The following RNF4 variants were observed in gnomAD, a reference collection of about 807,000 sequenced individuals.
RNF4 encodes the protein ring finger protein 4, also known as E3 ubiquitin-protein ligase RNF4.
RNF4 carries 7 observed loss-of-function variants against 24.3 expected under a neutral mutation model. The observed-to-expected ratio is 0.29, with a 90% CI of 0.16 to 0.54. The LOEUF is 0.54. Ranked by LOEUF, RNF4 falls within the 20% of genes least tolerant of loss-of-function variation. RNF4 has a pLI of 0.95. For synonymous variants in RNF4, 83 were observed against 84.3 expected, an observed-to-expected ratio of 0.98 and a Z score of 0.09; for missense variants, 209 against 248.5, an observed-to-expected ratio of 0.84 and a Z score of 1.07.
At position 2,514,313 on chromosome 4, in the gene RNF4, C is replaced by T. The variant is rs1736352622; in HGVS notation, c.*494C>T. 6.0e-6 allele frequency: 1 copy of T among 167,404 alleles called. No homozygotes were observed. Among genetic ancestry groups the T allele is most frequent in the Non-Finnish European group, 1.3e-5 (1 of 75,778 alleles). 10.4% of individuals were successfully genotyped at this position (167,404 alleles called of 1,614,324 possible). A position where few individuals can be genotyped will look rare whatever the true frequency, so the allele number is the denominator to read the frequency against. On this transcript the variant is annotated 3_prime_UTR_variant, in exon 8 of 8. Transcript: ENST00000314289. ...CCTGGAAAGACCAATCACTGGACTT[C>T]TTCCCTTGAGAGTCAGAGGTCACCC...
chr4:2,490,239 T>C (rs376364311), intron 1 of RNF4, 98 bp from the exon 2 acceptor site: 11 of 445,644 alleles, frequency 2.5e-5, no homozygotes, highest in Non-Finnish European at 4.4e-5. Flanking sequence ...AGTAAGCAAA[T>C]AACCTAGGGA....
intron 4 of RNF4, among the ~76,000 whole-genome samples, chr4:2,503,085 A>T (rs1735965829): frequency 6.6e-6 from 1 of 152,120 alleles, no homozygotes; most frequent in African/African-American, 2.4e-5. Context: ...TGTGATGCCC[A>T]GGCTGGTCTT....
rs1736287651 is a variant in RNF4, at chr4:2,512,182, C to A, written c.214+217C>A. 1 of 642,294 alleles carries A rather than the reference C, an allele frequency of 1.6e-6. No homozygotes were observed. Among genetic ancestry groups the A allele is most frequent in the Admixed American group, 2.9e-5 (1 of 34,680 alleles). 39.8% of individuals were successfully genotyped at this position (642,294 alleles called of 1,614,324 possible). On this transcript the variant is annotated intron_variant, in intron 5 of 7. Transcript: ENST00000314289. This position sits in a 1 kb window ranked among gnomAD's most constrained non-coding sequence, Gnocchi z 4.1. ...CTATCATTGAGCACTGAGCTATAGT[C>A]CTTTCTTGTGGCCTACCAGATTTTG...
intron 4 of RNF4, among the ~76,000 whole-genome samples, chr4:2,508,804 G>T (rs1397075931): frequency 6.7e-6 from 1 of 150,056 alleles, no homozygotes; most frequent in East Asian, 1.9e-4. Context: ...TAGAGGCGGG[G>T]TTTCTCCATG....
intron 4 of RNF4, among the ~76,000 whole-genome samples, chr4:2,503,686 C>G (rs1265386583): frequency 1.3e-5 from 2 of 152,194 alleles, no homozygotes; most frequent in East Asian, 1.9e-4. Context: ...TGGGAGGCCT[C>G]TAATGCTAGT....
chr4:2,500,156 C>CAAAAAAA (rs5855735), intron 3 of RNF4, among the ~76,000 whole-genome samples: 1 of 77,206 alleles, frequency 1.3e-5, no homozygotes, highest in Non-Finnish European at 2.7e-5. Context: ...GACTCTGTCT[C>CAAAAAAA]AAAAAAAAAA....
intron 4 of RNF4, among the ~76,000 whole-genome samples, chr4:2,509,366 C>T (rs576121905): frequency 2.6e-5 from 4 of 151,724 alleles, no homozygotes; most frequent in East Asian, 1.9e-4. Flanking sequence ...TACAGCCACG[C>T]GCCACCACAC....
At chr4:2,472,778 ACC>A (rs1452033045) in intron 1 of RNF4, among the ~76,000 whole-genome samples, 2 of 152,194 alleles carry the variant, frequency 1.3e-5, no homozygotes, top group African/African-American at 4.8e-5. Flanking sequence ...ACGGTGGCTC[ACC>A]CGTGTAATCC....
intron 2 of RNF4, among the ~76,000 whole-genome samples, chr4:2,491,533 C>G (rs558524489): frequency 6.6e-6 from 1 of 152,054 alleles, no homozygotes; most frequent in Non-Finnish European, 1.5e-5. Context: ...ACCTCCGCCT[C>G]CCAGGTTCAA....
At chr4:2,506,768 C>G (rs1054914292) in intron 4 of RNF4, among the ~76,000 whole-genome samples, 1 of 152,080 alleles carries the variant, frequency 6.6e-6, no homozygotes, top group Non-Finnish European at 1.5e-5. Flanking sequence ...CAAGGTCTTA[C>G]CGTATTGCCC....
chr4:2,502,413 C>T (rs1459331468), intron 4 of RNF4, among the ~76,000 whole-genome samples: 2 of 152,066 alleles, frequency 1.3e-5, no homozygotes, highest in African/African-American at 2.4e-5. Flanking sequence ...AGGCTGGGCG[C>T]GGTGGCTCAC....
At chr4:2,501,859 G>A (rs1351022564) in intron 4 of RNF4, among the ~76,000 whole-genome samples, 3 of 152,164 alleles carry the variant, frequency 2.0e-5, no homozygotes, top group Non-Finnish European at 4.4e-5. Context: ...TTGCTTCTTA[G>A]TTGTGCTGAG....
chr4:2,479,745 A>G (rs941446625), intron 1 of RNF4: 3 of 152,148 alleles, frequency 2.0e-5, no homozygotes, highest in Admixed American at 1.3e-4. Context: ...ACAGGTGCAC[A>G]CGGCTGTACT....
chr4:2,512,236 TGGG>T lies in RNF4; in HGVS notation c.215-198_215-196del, dbSNP rs1428130022. On this transcript the variant is annotated intron_variant, in intron 5 of 7. Transcript: ENST00000314289. This position sits in a 1 kb window ranked among gnomAD's most constrained non-coding sequence, Gnocchi z 4.1. ...AAGGCTGGTAGCTCACAGCAGGGGT[TGGG>T]GGGTTTCTCCTGGGAAGATAAGATA... is the stretch of plus-strand genomic sequence containing the variant. 1.3e-4 allele frequency: 91 copies of T among 683,412 alleles called. No individual in the cohort carries two copies. The highest frequency in any genetic ancestry group is 4.0e-4 in the Middle Eastern group (1 of 2,522). The allele number at this position is 683,412 out of a possible 1,614,324, so 42.3% of individuals were successfully genotyped here. A position where few individuals can be genotyped will look rare whatever the true frequency, so the allele number is the denominator to read the frequency against.
intron 7 of RNF4, 98 bp downstream of exon 7, chr4:2,513,229 C>A (rs1358190473): frequency 2.7e-6 from 3 of 1,120,526 alleles, no homozygotes; most frequent in Non-Finnish European, 4.1e-6. Flanking sequence ...GGATTGGACA[C>A]CCCTACTCAC....
At chr4:2,498,480 C>T (rs1735804536) in intron 3 of RNF4, among the ~76,000 whole-genome samples, 1 of 151,956 alleles carries the variant, frequency 6.6e-6, no homozygotes, top group Non-Finnish European at 1.5e-5. Context: ...GAGCCACCCG[C>T]CTGGCCTAGA....
In RNF4 at chr4:2,497,059, G is replaced by C; in HGVS notation, c.62G>C (p.Arg21Pro). Reference protein sequence around the residue: ...INSRQAQKRTREATSTPEISL... With the variant: ...INSRQAQKRTPEATSTPEISL... ...TCTAGACAAGCTCAGAAGCGAACTC[G>C]GGAAGCAACCTCCACCCCCGAGATC... The change falls in exon 3 of 8, where the codon CGG (arginine) becomes CCG (proline). Residue 21 changes from arginine (R) to proline (P), a missense_variant. Arg to Pro is a moderately radical substitution (Grantham distance 103). Transcript: ENST00000314289. The C allele has an allele frequency of 1.9e-6, 3 of 1,609,350 alleles. No homozygotes were observed. The highest frequency in any genetic ancestry group is 1.1e-5 in the South Asian group (1 of 89,878).
intron 1 of RNF4, among the ~76,000 whole-genome samples, chr4:2,482,240 C>T (rs1258799268): frequency 6.6e-6 from 1 of 152,176 alleles, no homozygotes; most frequent in Non-Finnish European, 1.5e-5. Context: ...TGGTATGGGT[C>T]AAATAATCAG....
At chr4:2,475,441 C>G (rs570241520) in intron 1 of RNF4, among the ~76,000 whole-genome samples, 5 of 152,196 alleles carry the variant, frequency 3.3e-5, no homozygotes, top group African/African-American at 1.2e-4. Flanking sequence ...CAGGTTCACG[C>G]CATTCTCCTG....
Sources: gnomAD v4.1 joint callset for allele counts (sites outside exome capture counted in the v4.1 genomes callset) on GRCh38, gnomAD v4.1.1 for gene constraint, Gnocchi (gnomAD v3.1) non-coding constraint, MANE v1.5 for transcripts, NCBI Gene and HGNC (gene_info 2026-07-23, HGNC 2026-07-21) for gene names.